CNTNAP4: variants seen among roughly 807,000 people sequenced by gnomAD.
CNTNAP4 encodes the protein contactin associated protein family member 4.
Under a neutral mutation model 148.4 loss-of-function variants are expected in CNTNAP4, and 98 were observed. The ratio of observed to expected loss-of-function variants is 0.66; its 90% CI spans 0.56 to 0.78. The LOEUF (loss-of-function observed/expected upper bound fraction) is 0.78. CNTNAP4 is among the 30% of genes least tolerant of loss of function. CNTNAP4 has a pLI of 0.00. For synonymous variants in CNTNAP4, 730 were observed against 565.1 expected, an observed-to-expected ratio of 1.29 and a Z score of -4.14; for missense variants, 1,935 against 1,565.6, an observed-to-expected ratio of 1.24 and a Z score of -3.98.
intron 3 of CNTNAP4, among the ~76,000 whole-genome samples, chr16:76,388,607 A>G (rs1350302049): frequency 2.6e-5 from 4 of 152,226 alleles, no homozygotes; most frequent in Admixed American, 2.6e-4. Flanking sequence ...GTGATTTGTA[A>G]TAATATTTTA....
At chr16:76,379,036 A>C (rs1399799268) in intron 3 of CNTNAP4, among the ~76,000 whole-genome samples, 3 of 152,158 alleles carry the variant, frequency 2.0e-5, no homozygotes, top group Non-Finnish European at 4.4e-5. Context: ...CCTCATCTGT[A>C]AACTTAGGGC....
intron 2 of CNTNAP4, among the ~76,000 whole-genome samples, chr16:76,317,265 CAAAAAAAAAAACCAA>C (rs1961874100): frequency 2.3e-5 from 1 of 44,358 alleles, no homozygotes; most frequent in South Asian, 6.1e-4. Flanking sequence ...AAAAAAAAAA[CAAAAAAAAAAACCAA>C]AAAAAAAAAA....
At chr16:76,414,970 C>G (rs1218885905) in intron 3 of CNTNAP4, among the ~76,000 whole-genome samples, 1 of 150,452 alleles carries the variant, frequency 6.6e-6, no homozygotes, top group Non-Finnish European at 1.5e-5. Flanking sequence ...TTTTTTTTCC[C>G]TAATTTTGGT....
At chr16:76,336,202 A>C (rs775226293) in intron 2 of CNTNAP4, among the ~76,000 whole-genome samples, 4 of 152,276 alleles carry the variant, frequency 2.6e-5, no homozygotes, top group Middle Eastern at 3.4e-3. Flanking sequence ...TGGGTTGGGA[A>C]AAAAAATGCA....
chr16:76,548,295 C>CTTTT (rs66981960), intron 21 of CNTNAP4, among the ~76,000 whole-genome samples: 15 of 92,896 alleles, frequency 1.6e-4, no homozygotes, highest in South Asian at 4.1e-4. Context: ...TTCACTGCAC[C>CTTTT]TTTTTTTTTT....
At chr16:76,540,117 A>G (rs1051032872) in intron 20 of CNTNAP4, among the ~76,000 whole-genome samples, 2 of 152,114 alleles carry the variant, frequency 1.3e-5, no homozygotes, top group Non-Finnish European at 2.9e-5. Context: ...TGCTACTGGT[A>G]GGACCATTGC....
chr16:76,556,323 G>A (rs1436375674), intron 23 of CNTNAP4, among the ~76,000 whole-genome samples: 1 of 151,992 alleles, frequency 6.6e-6, no homozygotes, highest in Non-Finnish European at 1.5e-5. Flanking sequence ...CATCATAGAG[G>A]CTGGCCACAT....
intron 1 of CNTNAP4, among the ~76,000 whole-genome samples, chr16:76,294,383 T>G (rs1440830059): frequency 2.0e-5 from 3 of 152,158 alleles, no homozygotes; most frequent in Admixed American, 2.0e-4. Flanking sequence ...AGAGTTGACA[T>G]CAGATGGGTT....
chr16:76,406,962 T>C (rs986544848), intron 3 of CNTNAP4, among the ~76,000 whole-genome samples: 1 of 152,122 alleles, frequency 6.6e-6, no homozygotes, highest in African/African-American at 2.4e-5. Flanking sequence ...AAACAACAGA[T>C]TTTCAGCATA....
At chr16:76,540,868 C>T in intron 21 of CNTNAP4, 78 bp downstream of exon 21, 1 of 938,544 alleles carries the variant, frequency 1.1e-6, no homozygotes, top group Non-Finnish European at 1.6e-6. Flanking sequence ...TCATATTACA[C>T]ACACCCACTT....
At chr16:76,386,467 G>T (rs2016523191) in intron 3 of CNTNAP4, among the ~76,000 whole-genome samples, 1 of 152,102 alleles carries the variant, frequency 6.6e-6, no homozygotes, top group Admixed American at 6.6e-5. Flanking sequence ...TAAGAATCAT[G>T]CATTTTGTTG....
chr16:76,442,686 T>C (rs1254013801), intron 4 of CNTNAP4, among the ~76,000 whole-genome samples: 1 of 152,070 alleles, frequency 6.6e-6, no homozygotes. Flanking sequence ...TCATGAGAAC[T>C]AATCAGTCTC....
At chr16:76,421,775 G>T (rs920947524) in intron 3 of CNTNAP4, among the ~76,000 whole-genome samples, 1 of 152,150 alleles carries the variant, frequency 6.6e-6, no homozygotes, top group African/African-American at 2.4e-5. Flanking sequence ...AACAAGGGAG[G>T]TTATTAATGA....
chr16:76,335,436 G>T (rs1355375328), intron 2 of CNTNAP4, among the ~76,000 whole-genome samples: 2 of 152,026 alleles, frequency 1.3e-5, no homozygotes, highest in Non-Finnish European at 2.9e-5. Flanking sequence ...AAAACATAAA[G>T]GATTTGAAAG....
At chr16:76,455,872 C>T (rs965996805) in intron 8 of CNTNAP4, among the ~76,000 whole-genome samples, 2 of 152,142 alleles carry the variant, frequency 1.3e-5, no homozygotes, top group African/African-American at 4.8e-5. Context: ...GACAACTAAG[C>T]TCTCATGTTT....
intron 3 of CNTNAP4, among the ~76,000 whole-genome samples, chr16:76,380,861 C>T (rs1223133057): frequency 6.6e-6 from 1 of 152,162 alleles, no homozygotes. Flanking sequence ...CCACAAGCAT[C>T]AATATGTGTA....
chr16:76,427,717 AT>A, intron 4 of CNTNAP4, 118 bp downstream of exon 4: 2 of 954,030 alleles, frequency 2.1e-6, no homozygotes, highest in Non-Finnish European at 1.5e-6. Context: ...AATAGGAATA[AT>A]TTTTGTGGAA....
intron 3 of CNTNAP4, among the ~76,000 whole-genome samples, chr16:76,373,675 A>C (rs1253180155): frequency 3.3e-5 from 5 of 152,018 alleles, no homozygotes; most frequent in Non-Finnish European, 5.9e-5. Context: ...CAGGTGGATC[A>C]CCTGAGCTCA....
intron 1 of CNTNAP4, among the ~76,000 whole-genome samples, chr16:76,296,854 G>C (rs1312158092): frequency 6.6e-6 from 1 of 152,126 alleles, no homozygotes; most frequent in African/African-American, 2.4e-5. Flanking sequence ...CCTCCAGAGA[G>C]CTTTAATTCT....
Sources: allele counts gnomAD v4.1 joint callset (sites outside exome capture counted in the v4.1 genomes callset), GRCh38; gene constraint gnomAD v4.1.1; transcripts MANE v1.5; gene names NCBI Gene and HGNC (gene_info 2026-07-23, HGNC 2026-07-21).